The following PPP4R2 variants were observed in gnomAD, a reference collection of about 807,000 sequenced individuals.
The protein encoded by PPP4R2 is protein phosphatase 4 regulatory subunit 2.
A neutral mutation model predicts 47.2 loss-of-function variants in PPP4R2; 13 were observed. That is an observed-to-expected ratio of 0.28 (90% CI 0.18 to 0.44). The LOEUF is 0.44. PPP4R2 is among the 20% of genes least tolerant of loss of function. The pLI, the probability that PPP4R2 is intolerant of heterozygous loss-of-function variation, is 1.00. For missense variants in PPP4R2, 421 were observed against 491.2 expected (o/e 0.86, Z 1.35); for synonymous variants, 151 against 163.3 (o/e 0.92, Z 0.57).
At position 73,006,442 on chromosome 3, in the gene PPP4R2, G is replaced by A. The variant is rs552020148; in HGVS notation, c.116+8284G>A. ...CCTGACCTCGTAATCCACCTGCCTC[G>A]GCCTCCCAAAGTGCTGGGATTACAG... On this transcript the variant is annotated intron_variant, in intron 2 of 8. Transcript: ENST00000356692. Among the ~76,000 whole-genome samples, 305 of 151,934 alleles carry A rather than the reference G, an allele frequency of 2.0e-3. 1 individual carries two copies. Among genetic ancestry groups the A allele is most frequent in the African/African-American group, 5.7e-3 (235 of 41,412 alleles).
chr3:73,010,785 C>T (rs1347574019), intron 2 of PPP4R2, among the ~76,000 whole-genome samples: 1 of 152,156 alleles, frequency 6.6e-6, no homozygotes, highest in African/African-American at 2.4e-5. Flanking sequence ...GATGATCCAC[C>T]TGCCTCGGCC....
At chr3:73,063,823 A>C (rs11708712) in intron 6 of PPP4R2, 76 bp downstream of exon 6, 3 of 1,227,180 alleles carry the variant, frequency 2.4e-6, no homozygotes, top group Non-Finnish European at 3.6e-6. Flanking sequence ...TGTACTTTTT[A>C]AAAATTGGGC....
intron 2 of PPP4R2, among the ~76,000 whole-genome samples, chr3:73,015,598 C>T (rs541118062): frequency 1.3e-5 from 2 of 151,568 alleles, no homozygotes; most frequent in African/African-American, 2.4e-5. Flanking sequence ...ACCTCAGCCT[C>T]TCGATTAGCT....
At chr3:72,998,349 A>G (rs1295585305) in intron 2 of PPP4R2, among the ~76,000 whole-genome samples, 191 bp downstream of exon 2, 1 of 152,222 alleles carries the variant, frequency 6.6e-6, no homozygotes, top group Non-Finnish European at 1.5e-5. Flanking sequence ...ATGGTCTGTA[A>G]CGGATTTTAA....
intron 2 of PPP4R2, among the ~76,000 whole-genome samples, chr3:73,038,571 T>C (rs1023269685): frequency 1.3e-5 from 2 of 152,062 alleles, no homozygotes; most frequent in African/African-American, 4.8e-5. Flanking sequence ...AATTTTTGTA[T>C]TTTTAGTAGA....
chr3:73,029,076 G>T (rs1702122675), intron 2 of PPP4R2, among the ~76,000 whole-genome samples: 1 of 152,186 alleles, frequency 6.6e-6, no homozygotes, highest in South Asian at 2.1e-4. Flanking sequence ...CTCCTGAGTA[G>T]CTGAGACTAC....
At chr3:73,034,104 C>T (rs9830783) in intron 2 of PPP4R2, among the ~76,000 whole-genome samples, 81,470 of 152,032 alleles carry the variant, frequency 0.54, 22,176 homozygotes, top group African/African-American at 0.62. Context: ...TTAAAATAAT[C>T]ATTGGTTTCT....
In PPP4R2 at chr3:73,068,240, C is replaced by G. The variant is rs1216638650; in HGVS notation, c.*2518C>G. The G allele has an allele frequency of 1.3e-5, 2 of 152,032 alleles. No individual in the cohort carries two copies. The highest frequency in any genetic ancestry group is 3.9e-4 in the East Asian group (2 of 5,182). 9.4% of individuals were successfully genotyped at this position (152,032 alleles called of 1,614,324 possible). ...ATCAAGCAAAGTCCTGTTAAAAGAT[C>G]TAAATGAAGAATGGAGACCTCAGTG... On this transcript the variant is annotated 3_prime_UTR_variant, in exon 9 of 9. Coordinates refer to ENST00000356692, the MANE Select transcript of PPP4R2 (RefSeq NM_174907.4).
In PPP4R2 at chr3:73,068,698, A is replaced by G. The variant is rs1703050502; in HGVS notation, c.*2976A>G. On this transcript the variant is annotated 3_prime_UTR_variant, in exon 9 of 9. Coordinates refer to ENST00000356692, the MANE Select transcript of PPP4R2 (RefSeq NM_174907.4). ...TTTTGTTTTGCCGGTGTAGATAGGC[A>G]TGTATTTATGCATTTTTGCATTTGT... The G allele has an allele frequency of 6.6e-6, 1 of 152,066 alleles. No individual in the cohort carries two copies. Among genetic ancestry groups the G allele is most frequent in the Non-Finnish European group, 1.5e-5 (1 of 67,992 alleles). 9.4% of individuals were successfully genotyped at this position (152,066 alleles called of 1,614,324 possible). A position where few individuals can be genotyped will look rare whatever the true frequency, so the allele number is the denominator to read the frequency against.
At chr3:73,060,968 A>G in intron 4 of PPP4R2, 55 bp from the exon 5 acceptor site, 1 of 1,263,070 alleles carries the variant, frequency 7.9e-7, no homozygotes, top group Non-Finnish European at 1.1e-6. Flanking sequence ...AAATGATGAA[A>G]CTTTATGTTG....
chr3:73,025,906 C>T (rs1431214636), intron 2 of PPP4R2, among the ~76,000 whole-genome samples: 2 of 152,056 alleles, frequency 1.3e-5, no homozygotes, highest in Non-Finnish European at 2.9e-5. Context: ...TGTAATGGTG[C>T]AGCATTAGTG....
intron 3 of PPP4R2, among the ~76,000 whole-genome samples, chr3:73,054,114 C>T (rs1471125710): frequency 2.6e-5 from 4 of 152,032 alleles, no homozygotes; most frequent in South Asian, 2.1e-4. Context: ...GACAGGGTTT[C>T]GCCATGTTGG....
At chr3:73,042,995 CT>C (rs995897650) in intron 2 of PPP4R2, among the ~76,000 whole-genome samples, 1 of 152,026 alleles carries the variant, frequency 6.6e-6, no homozygotes, top group Non-Finnish European at 1.5e-5. Context: ...CATTAATGTG[CT>C]TTTTTTGGAC....
chr3:73,051,966 GC>G (rs1318352119), intron 3 of PPP4R2, among the ~76,000 whole-genome samples: 1 of 152,142 alleles, frequency 6.6e-6, no homozygotes, highest in Non-Finnish European at 1.5e-5. Flanking sequence ...AATTGTCCAT[GC>G]ACTTGTTTAC....
chr3:73,029,483 G>T (rs1352245131), intron 2 of PPP4R2, among the ~76,000 whole-genome samples: 1 of 152,172 alleles, frequency 6.6e-6, no homozygotes, highest in Admixed American at 6.5e-5. Context: ...AAGATAGAGT[G>T]TGATGTGAAA....
chr3:73,002,598 C>A (rs61326526), intron 2 of PPP4R2, among the ~76,000 whole-genome samples: 6,087 of 140,682 alleles, frequency 0.043, 461 homozygotes, highest in African/African-American at 0.15. Context: ...TGGGAGTGCA[C>A]AGGGATTTTT....
rs1702790453 is a variant in PPP4R2, at chr3:73,059,133, ATTTAT to A, written c.381+10_381+14del. 2 of 1,408,704 alleles carry A rather than the reference ATTTAT, an allele frequency of 1.4e-6. No individual in the cohort carries two copies. Among genetic ancestry groups the A allele is most frequent in the Non-Finnish European group, 2.0e-6 (2 of 1,013,510 alleles). The allele number at this position is 1,408,704 out of a possible 1,614,324, so 87.3% of individuals were successfully genotyped here. A position where few individuals can be genotyped will look rare whatever the true frequency, so the allele number is the denominator to read the frequency against. On this transcript the variant is annotated splice_donor_5th_base_variant and intron_variant, in intron 4 of 8. Transcript: ENST00000356692. ...AATTTCTCAGAGGAGTAGAAAAGGT[ATTTAT>A]TTTATTATTGGAATTATATTATGCT...
chr3:73,032,998 T>C (rs1026517451), intron 2 of PPP4R2, among the ~76,000 whole-genome samples: 11 of 152,246 alleles, frequency 7.2e-5, no homozygotes, highest in African/African-American at 2.4e-4. Flanking sequence ...TACCAAGTTA[T>C]GATGAAAATG....
chr3:73,062,042 A>T, intron 5 of PPP4R2: 1 of 1,427,940 alleles, frequency 7.0e-7, no homozygotes, highest in Non-Finnish European at 9.3e-7. Flanking sequence ...ATTTTGGAAA[A>T]ATGGTAAAGA....
Sources: gnomAD v4.1 joint callset for allele counts (sites outside exome capture counted in the v4.1 genomes callset) on GRCh38, gnomAD v4.1.1 for gene constraint, MANE v1.5 for transcripts, NCBI Gene and HGNC (gene_info 2026-07-23, HGNC 2026-07-21) for gene names.